The following NALF1 variants were observed in gnomAD, a reference collection of about 807,000 sequenced individuals.
The protein encoded by NALF1 is family with sequence similarity 155 member A.
Under a neutral mutation model 48.4 loss-of-function variants are expected in NALF1, and 3 were observed. The ratio of observed to expected loss-of-function variants is 0.06; its 90% CI spans 0.03 to 0.16. NALF1 has a LOEUF of 0.16. NALF1 is among the 10% of genes least tolerant of loss of function. The pLI is 1.00. For missense variants in NALF1, 526 were observed against 571.5 expected (o/e 0.92, Z 0.81); for synonymous variants, 262 against 245.7 (o/e 1.07, Z -0.62).
intron 1 of NALF1, among the ~76,000 whole-genome samples, chr13:107,449,948 G>C (rs1247376727): frequency 6.6e-6 from 1 of 152,130 alleles, no homozygotes; most frequent in African/African-American, 2.4e-5. Flanking sequence ...ACTCTCATTT[G>C]CTAGGGTACT....
intron 1 of NALF1, among the ~76,000 whole-genome samples, chr13:107,373,102 T>G (rs1474995377): frequency 6.6e-6 from 1 of 152,222 alleles, no homozygotes; most frequent in African/African-American, 2.4e-5. Context: ...TGAGCAATTA[T>G]GCATCATATA....
At position 107,231,501 on chromosome 13, in the gene NALF1, A is replaced by T. The variant is rs141642946; in HGVS notation, c.916-20746T>A. ...AGTTGCATTACCTTCAGACTAGGAA[A>T]AAAACGTCTTTACATGGAAGAGTTT... On this transcript the variant is annotated intron_variant, in intron 1 of 2. Transcript: ENST00000375915. Among the ~76,000 whole-genome samples the T allele has an allele frequency of 5.4e-3, 820 of 152,342 alleles. 11 individuals are homozygous for T. The highest frequency in any genetic ancestry group is 0.019 in the African/African-American group (793 of 41,582).
intron 1 of NALF1, among the ~76,000 whole-genome samples, chr13:107,597,015 T>C (rs960143207): frequency 6.6e-6 from 1 of 152,186 alleles, no homozygotes; most frequent in Admixed American, 6.5e-5. Context: ...TGCAACTCTA[T>C]TTCCCCTGCT....
chr13:107,289,738 G>A (rs991649167), intron 1 of NALF1, among the ~76,000 whole-genome samples: 3 of 152,140 alleles, frequency 2.0e-5, no homozygotes, highest in Admixed American at 2.0e-4. Flanking sequence ...GGGATAAAAC[G>A]AGCTATTTCC....
chr13:107,228,650 C>T (rs749277443), intron 1 of NALF1, among the ~76,000 whole-genome samples: 2 of 152,074 alleles, frequency 1.3e-5, no homozygotes, highest in Non-Finnish European at 2.9e-5. Flanking sequence ...GACAGAGTCT[C>T]GCTCTGTTGC....
At chr13:107,673,490 G>A (rs9555401) in intron 1 of NALF1, among the ~76,000 whole-genome samples, 2 of 152,164 alleles carry the variant, frequency 1.3e-5, no homozygotes, top group East Asian at 3.9e-4. Flanking sequence ...CTATGAAAAA[G>A]AATCCATGAG....
At chr13:107,233,792 G>A (rs1880279833) in intron 1 of NALF1, among the ~76,000 whole-genome samples, 1 of 152,194 alleles carries the variant, frequency 6.6e-6, no homozygotes. Flanking sequence ...ATGCCACAGC[G>A]AGAGCGTGAG....
At chr13:107,711,628 C>A (rs1875595466) in intron 1 of NALF1, among the ~76,000 whole-genome samples, 1 of 152,170 alleles carries the variant, frequency 6.6e-6, no homozygotes, top group African/African-American at 2.4e-5. Flanking sequence ...ATATAAAGCA[C>A]CCAAGAAAAG....
intron 1 of NALF1, among the ~76,000 whole-genome samples, chr13:107,642,633 T>A (rs1289632317): frequency 1.3e-5 from 2 of 152,096 alleles, no homozygotes; most frequent in African/African-American, 4.8e-5. Context: ...AAATGTGTAG[T>A]TTTTGTGGAA....
At chr13:107,471,641 A>G (rs1885102889) in intron 1 of NALF1, among the ~76,000 whole-genome samples, 1 of 152,196 alleles carries the variant, frequency 6.6e-6, no homozygotes, top group South Asian at 2.1e-4. Context: ...TTTTGTATCC[A>G]CTATAGAAAC....
At chr13:107,248,963 T>C (rs530646359) in intron 1 of NALF1, among the ~76,000 whole-genome samples, 21 of 116,102 alleles carry the variant, frequency 1.8e-4, no homozygotes, top group Admixed American at 1.1e-3. Context: ...TACACACACA[T>C]ATATATATGT....
intron 1 of NALF1, among the ~76,000 whole-genome samples, chr13:107,238,907 A>AT (rs1880408253): frequency 6.6e-6 from 1 of 152,132 alleles, no homozygotes; most frequent in African/African-American, 2.4e-5. Flanking sequence ...ATTCAGAGAT[A>AT]TTTTTTGTTA....
chr13:107,542,998 C>T (rs1040757869), intron 1 of NALF1, among the ~76,000 whole-genome samples: 2 of 152,050 alleles, frequency 1.3e-5, no homozygotes, highest in Non-Finnish European at 2.9e-5. Context: ...CTATCACCTT[C>T]GCAAACACTA....
chr13:107,632,669 A>C (rs774957185), intron 1 of NALF1, among the ~76,000 whole-genome samples: 2 of 152,114 alleles, frequency 1.3e-5, no homozygotes, highest in African/African-American at 2.4e-5. Context: ...AAAAAATCCA[A>C]ATTTTAGCTA....
intron 1 of NALF1, among the ~76,000 whole-genome samples, chr13:107,686,220 A>G (rs909541872): frequency 2.0e-5 from 3 of 152,180 alleles, no homozygotes; most frequent in Non-Finnish European, 2.9e-5. Flanking sequence ...TAGGGGAGAC[A>G]GCAAGTGGGT....
intron 1 of NALF1, among the ~76,000 whole-genome samples, chr13:107,376,332 T>A (rs1000603429): frequency 6.6e-6 from 1 of 152,288 alleles, no homozygotes; most frequent in Admixed American, 6.5e-5. Flanking sequence ...TAGATAGGTG[T>A]GTGGGATTAA....
chr13:107,268,866 AT>A (rs1193230245), intron 1 of NALF1, among the ~76,000 whole-genome samples: 1 of 152,166 alleles, frequency 6.6e-6, no homozygotes, highest in Non-Finnish European at 1.5e-5. Context: ...GAAGGGCCAG[AT>A]TTTTTAGGGC....
intron 1 of NALF1, among the ~76,000 whole-genome samples, chr13:107,695,419 A>T (rs1021110620): frequency 1.3e-5 from 2 of 152,220 alleles, no homozygotes; most frequent in Admixed American, 6.5e-5. Context: ...ACTGTGACAC[A>T]AGAAAACATT....
At chr13:107,673,296 C>A (rs973893490) in intron 1 of NALF1, among the ~76,000 whole-genome samples, 1 of 152,124 alleles carries the variant, frequency 6.6e-6, no homozygotes, top group East Asian at 1.9e-4. Flanking sequence ...GGAAAATAAA[C>A]AACCACAAAA....
Sources: gnomAD v4.1 joint callset for allele counts (sites outside exome capture counted in the v4.1 genomes callset) on GRCh38, gnomAD v4.1.1 for gene constraint, MANE v1.5 for transcripts, NCBI Gene and HGNC (gene_info 2026-07-23, HGNC 2026-07-21) for gene names.